The following FCHSD1 variants were observed in gnomAD, a reference collection of about 807,000 sequenced individuals.
FCHSD1 encodes the protein F-BAR and double SH3 domains protein 1.
FCHSD1 carries 109 observed loss-of-function variants against 101.3 expected under a neutral mutation model. The observed-to-expected ratio is 1.08, with a 90% CI of 0.92 to 1.26. The LOEUF (loss-of-function observed/expected upper bound fraction) is 1.26. Ranked by LOEUF, FCHSD1 falls within the 50% of genes most tolerant of loss-of-function variation. FCHSD1 has a pLI of 0.00. For missense variants in FCHSD1, 820 were observed against 895.8 expected (o/e 0.92, Z 1.08); for synonymous variants, 291 against 356.8 (o/e 0.82, Z 2.08).
intron 11 of FCHSD1, 26 bp from the exon 12 acceptor site, chr5:141,646,217 G>C (rs2099907637): frequency 6.4e-7 from 1 of 1,569,258 alleles, no homozygotes; most frequent in African/African-American, 1.3e-5. Flanking sequence ...GAGAACAGGG[G>C]TGGGTGGAAA....
intron 3 of FCHSD1, 63 bp from the exon 4 acceptor site, chr5:141,650,017 A>G (rs1244167139): frequency 4.1e-6 from 6 of 1,463,306 alleles, no homozygotes; most frequent in African/African-American, 2.9e-5. Context: ...CTGGCAGAAT[A>G]TGACATCAGA....
At chr5:141,651,303 C>A in intron 1 of FCHSD1, 45 bp downstream of exon 1, 1 of 1,551,860 alleles carries the variant, frequency 6.4e-7, no homozygotes, top group Middle Eastern at 1.7e-4. Context: ...TAGCTCCCTC[C>A]GTTCCCCCAG....
chr5:141,639,859 G>A lies in FCHSD1; in HGVS notation c.*1639C>T, dbSNP rs1329444222. On this transcript the variant is annotated 3_prime_UTR_variant, in exon 20 of 20. Transcript: ENST00000435817. This position sits in a 1 kb window ranked among gnomAD's most constrained non-coding sequence, Gnocchi z 4.4. Reference sequence around the variant, plus strand: ...CAAACTCAGGATGTCCCTGGTCAGAGGGGAGGGCCAAGCAGCCTCTGAGTT... The same window carrying A: ...CAAACTCAGGATGTCCCTGGTCAGAAGGGAGGGCCAAGCAGCCTCTGAGTT... 1.3e-6 allele frequency: 2 copies of A among 1,568,242 alleles called. No homozygotes were observed. The highest frequency in any genetic ancestry group is 1.8e-6 in the Non-Finnish European group (2 of 1,141,128).
At position 141,640,004 on chromosome 5, in the gene FCHSD1, T is replaced by A. The variant is rs758102055; in HGVS notation, c.*1494A>T. The A allele has an allele frequency of 6.2e-7, 1 of 1,613,254 alleles. No homozygotes were observed. The highest frequency in any genetic ancestry group is 1.1e-5 in the South Asian group (1 of 91,058). ...CCACAGACAGGAGCTGGGGCTCTGG[T>A]GGGGGACAGGACCCAGGGGGTGGTC... On this transcript the variant is annotated 3_prime_UTR_variant, in exon 20 of 20. Transcript: ENST00000435817.
rs891391205 is a variant in FCHSD1 at position 141,639,512 on chromosome 5, C to T, written c.*1986G>A. On this transcript the variant is annotated 3_prime_UTR_variant, in exon 20 of 20. Coordinates refer to ENST00000435817, the MANE Select transcript of FCHSD1 (RefSeq NM_033449.3). The surrounding 1 kb of genome is among the most constrained non-coding windows in gnomAD (Gnocchi z 4.4). The stretch of plus-strand genomic sequence containing the variant: ...AGGACGGAGCCCCCTCCCATCATCA[C>T]ACAGTGCACCTGGGCTCTGCAGCCC... The T allele has an allele frequency of 2.5e-6, 4 of 1,614,028 alleles. No homozygotes were observed. The East Asian group carries it at 6.7e-5, about 27-fold the overall frequency.
chr5:141,643,295 T>C (rs910715456), intron 17 of FCHSD1, among the ~76,000 whole-genome samples: 3 of 152,184 alleles, frequency 2.0e-5, no homozygotes, highest in Admixed American at 2.0e-4. Context: ...TCAAGTGTTC[T>C]GCTAGCACTT....
intron 7 of FCHSD1, among the ~76,000 whole-genome samples, chr5:141,648,529 A>T (rs1019952044): frequency 6.6e-6 from 1 of 152,162 alleles, no homozygotes; most frequent in African/African-American, 2.4e-5. Context: ...CTTGACAGTT[A>T]GGCCACCTAT....
At chr5:141,642,561 C>G in intron 18 of FCHSD1, 1 of 535,100 alleles carries the variant, frequency 1.9e-6, no homozygotes, top group South Asian at 2.5e-5. Context: ...AAAAAGTGGG[C>G]ATCAGAAAAA....
intron 11 of FCHSD1, 44 bp from the exon 12 acceptor site, chr5:141,646,235 G>T: frequency 6.6e-7 from 1 of 1,507,920 alleles, no homozygotes; most frequent in East Asian, 2.4e-5. Context: ...AAATACTGTG[G>T]GGCATGACTT....
Position 141,649,613 on chromosome 5 carries a change from A to G in FCHSD1, c.234-77T>C. 1 of 1,518,132 alleles carries G rather than the reference A, an allele frequency of 6.6e-7. No homozygotes were observed. The highest frequency in any genetic ancestry group is 1.4e-5 in the African/African-American group (1 of 72,294). 94.0% of individuals were successfully genotyped at this position (1,518,132 alleles called of 1,614,324 possible). A position where few individuals can be genotyped will look rare whatever the true frequency, so the allele number is the denominator to read the frequency against. The stretch of plus-strand genomic sequence containing the variant: ...GACCACCCCCACCCCCTGCCCCCTG[A>G]CCAACACCATGGGAGACAGAGTGCT... On this transcript the variant is annotated intron_variant, in intron 4 of 19. Coordinates refer to ENST00000435817, the MANE Select transcript of FCHSD1 (RefSeq NM_033449.3). The surrounding 1 kb of genome is among the most constrained non-coding windows in gnomAD (Gnocchi z 4.1).
rs374908641 is a variant in FCHSD1, at chr5:141,648,933, C to G, written c.576+24G>C. 38 of 1,613,714 alleles carry G rather than the reference C, an allele frequency of 2.4e-5. No homozygotes were observed. The South Asian group carries it at 4.0e-4, about 17-fold the overall frequency. On this transcript the variant is annotated intron_variant, in intron 7 of 19. Coordinates refer to ENST00000435817, the MANE Select transcript of FCHSD1 (RefSeq NM_033449.3). Reference sequence around the variant, plus strand: ...ACTCTGCCTCCCTCTTCCCTGCCCCCACTCATGCCCTCATCCCTCGAACCT... The same window carrying G: ...ACTCTGCCTCCCTCTTCCCTGCCCCGACTCATGCCCTCATCCCTCGAACCT...
At position 141,640,259 on chromosome 5, in the gene FCHSD1, T is replaced by G. The variant is rs748779251; in HGVS notation, c.*1239A>C. 4 of 1,613,964 alleles carry G rather than the reference T, an allele frequency of 2.5e-6. No homozygotes were observed. In the South Asian group the frequency reaches 3.3e-5, roughly 13 times the overall value. Reference sequence around the variant, plus strand: ...CAGGGCTGCCCACTCAAGAGGCAAATGGGCAGCCAAGCAAACCAGACACTT... The same window carrying G: ...CAGGGCTGCCCACTCAAGAGGCAAAGGGGCAGCCAAGCAAACCAGACACTT... On this transcript the variant is annotated 3_prime_UTR_variant, in exon 20 of 20. Coordinates refer to ENST00000435817, the MANE Select transcript of FCHSD1 (RefSeq NM_033449.3).
At position 141,645,040 on chromosome 5, in the gene FCHSD1, G is replaced by A. The variant is rs1300328307; in HGVS notation, c.1420C>T (p.His474Tyr). ...LATRALPCPA[H>Y]VVFRYQAGRE... Reference sequence around the variant, plus strand: ...CATACCTGATAGCGAAATACCACGTGTGCAGGGCAGGGGAGGGCCCTCGTG... The same window carrying A: ...CATACCTGATAGCGAAATACCACGTATGCAGGGCAGGGGAGGGCCCTCGTG... Residue 474 changes from histidine (H) to tyrosine (Y), a missense_variant, in exon 14 of 20, where the codon CAC (histidine) becomes TAC (tyrosine). Physicochemically the swap from His to Tyr is moderately conservative, Grantham distance 83. Transcript: ENST00000435817. 2 of 1,607,978 alleles carry A rather than the reference G, an allele frequency of 1.2e-6. No individual in the cohort carries two copies. Among genetic ancestry groups the A allele is most frequent in the South Asian group, 1.1e-5 (1 of 90,214 alleles).
chr5:141,647,405 G>T lies in FCHSD1; in HGVS notation c.821C>A (p.Thr274Asn). ...AGAGGCCACAGCCCTCACCTGGGAG[G>T]TTGTCTGCTCCCCGCGGTGGGCATG... Reference protein sequence around the residue: ...LEHAHRGEQTTSQVSWEQDLK... With the variant: ...LEHAHRGEQTNSQVSWEQDLK... Residue 274 changes from threonine (T) to asparagine (N), a missense_variant, in exon 9 of 20, where the codon ACC (threonine) becomes AAC (asparagine). Thr to Asn is a moderately conservative substitution (Grantham distance 65, BLOSUM62 0). Transcript: ENST00000435817. 2 of 1,596,456 alleles carry T rather than the reference G, an allele frequency of 1.3e-6. No homozygotes were observed. The highest frequency in any genetic ancestry group is 1.7e-6 in the Non-Finnish European group (2 of 1,170,158).
rs1437886038 is a variant in FCHSD1 at position 141,646,640 on chromosome 5, G to C, written c.1007C>G (p.Ala336Gly). Residue 336 changes from alanine to glycine, a missense_variant, in exon 11 of 20, where the codon GCT becomes GGT. Ala to Gly is a moderately conservative substitution (Grantham distance 60). Transcript: ENST00000435817. ...EKEVQRLTSR[A>G]ARDYKIQNHG... Reference sequence around the variant, plus strand: ...GTTCTGGATCTTGTAGTCACGGGCAGCTCGGCTGGTCAAGCGCTGAACCTC... The same window carrying C: ...GTTCTGGATCTTGTAGTCACGGGCACCTCGGCTGGTCAAGCGCTGAACCTC... 6 of 1,612,958 alleles carry C rather than the reference G, an allele frequency of 3.7e-6. No individual in the cohort carries two copies. In the Admixed American group the frequency reaches 1.0e-4, roughly 27 times the overall value.
At chr5:141,648,426 C>G (rs934899477) in intron 7 of FCHSD1, among the ~76,000 whole-genome samples, 14 of 152,178 alleles carry the variant, frequency 9.2e-5, no homozygotes, top group African/African-American at 3.1e-4. Flanking sequence ...GTTCCTCGAG[C>G]CTACAAAGTT....
chr5:141,642,593 T>C (rs2099907066), intron 18 of FCHSD1: 1 of 549,920 alleles, frequency 1.8e-6, no homozygotes, highest in Admixed American at 3.7e-5. Flanking sequence ...AAGCTAGGTA[T>C]CTGGACACTA....
chr5:141,640,021 G>A lies in FCHSD1; in HGVS notation c.*1477C>T. On this transcript the variant is annotated 3_prime_UTR_variant, in exon 20 of 20. Transcript: ENST00000435817. The stretch of plus-strand genomic sequence containing the variant: ...GGCTCTGGTGGGGGACAGGACCCAG[G>A]GGGTGGTCAGGGGTCTGGGGGAGGG... 2.5e-6 allele frequency: 4 copies of A among 1,613,586 alleles called. No homozygotes were observed. Among genetic ancestry groups the A allele is most frequent in the Non-Finnish European group, 3.4e-6 (4 of 1,179,814 alleles).
At chr5:141,648,191 T>A in intron 7 of FCHSD1, 95 bp from the exon 8 acceptor site, 1 of 1,438,496 alleles carries the variant, frequency 7.0e-7, no homozygotes, top group South Asian at 1.4e-5. Context: ...ATTCTCACAT[T>A]ATTGAGTGCT....
Sources: allele counts gnomAD v4.1 joint callset (sites outside exome capture counted in the v4.1 genomes callset), GRCh38; gene constraint gnomAD v4.1.1; non-coding constraint Gnocchi (gnomAD v3.1); transcripts MANE v1.5; gene names NCBI Gene and HGNC (gene_info 2026-07-23, HGNC 2026-07-21).